The following PIGQ variants were observed in gnomAD, a reference collection of about 807,000 sequenced individuals.
PIGQ encodes the protein phosphatidylinositol N-acetylglucosaminyltransferase subunit Q.
A neutral mutation model predicts 60.3 loss-of-function variants in PIGQ; 54 were observed. The observed-to-expected ratio is 0.90, with a 90% CI of 0.72 to 1.12. The LOEUF is 1.12. PIGQ is among the 50% of genes most tolerant of loss of function. PIGQ has a pLI of 0.00. For missense variants in PIGQ, 799 were observed against 793.5 expected, an observed-to-expected ratio of 1.01 and a Z score of -0.08; for synonymous variants, 416 against 363.7, an observed-to-expected ratio of 1.14 and a Z score of -1.64.
At chr16:573,959 C>G in intron 1 of PIGQ, 107 bp from the exon 2 acceptor site, 1 of 754,688 alleles carries the variant, frequency 1.3e-6, no homozygotes, top group Non-Finnish European at 2.1e-6. Flanking sequence ...GGTGCCCCGA[C>G]CTGGGGCCCT....
At chr16:581,210 T>C in intron 9 of PIGQ, 1 of 1,430,090 alleles carries the variant, frequency 7.0e-7, no homozygotes, top group Non-Finnish European at 9.2e-7. Context: ...TTCAGAACCC[T>C]GGAGACCTGA....
In PIGQ at chr16:579,107, G is replaced by A. The variant is rs2035771863; in HGVS notation, c.1262G>A (p.Trp421Ter). The stretch of plus-strand genomic sequence containing the variant: ...AAGATCCATGGCCTGTCCTCACTGT[G>A]GCGTCTGTTCCGGGGGAAGAAGTGG... ...CLKIHGLSSL[W>*]RLFRGKKWNV... Residue 421 changes from tryptophan (W) to a stop codon, truncating the protein, a stop_gained, in exon 7 of 11, where the codon TGG becomes TAG. Coordinates refer to ENST00000321878, the MANE Select transcript of PIGQ (RefSeq NM_004204.5). LOFTEE classifies it high-confidence loss of function. The A allele has an allele frequency of 6.2e-7, 1 of 1,612,814 alleles. No individual in the cohort carries two copies.
rs751055581 is a variant in PIGQ at position 574,138 on chromosome 16, C to T, written c.64C>T (p.Arg22Trp). Reference sequence around the variant, plus strand: ...GACGGACAGCGGGCTGCTGGTGGGACGGTGGGTGCCGGAGCAGAGCAGCGC... The same window carrying T: ...GACGGACAGCGGGCTGCTGGTGGGATGGTGGGTGCCGGAGCAGAGCAGCGC... ...VSTDSGLLVG[R>W]WVPEQSSAVV... The change falls in exon 2 of 11, where the codon CGG becomes TGG. Residue 22 changes from arginine to tryptophan, a missense_variant. Transcript: ENST00000321878. 2.0e-5 allele frequency: 33 copies of T among 1,611,826 alleles called. No homozygotes were observed. The highest frequency in any genetic ancestry group is 4.0e-5 in the African/African-American group (3 of 74,932).
At chr16:575,313 G>A (rs767927547) in intron 2 of PIGQ, among the ~76,000 whole-genome samples, 4 of 152,218 alleles carry the variant, frequency 2.6e-5, no homozygotes, top group Non-Finnish European at 5.9e-5. Context: ...GAGGGGCACG[G>A]GGGTAGCCCC....
intron 4 of PIGQ, chr16:576,540 G>A (rs986909572): frequency 3.4e-5 from 19 of 562,166 alleles, no homozygotes; most frequent in East Asian, 1.7e-4. Context: ...TGGGCCCAGC[G>A]TCCTGGTATC....
chr16:572,199 C>T (rs1033965050), intron 1 of PIGQ, among the ~76,000 whole-genome samples: 4 of 152,208 alleles, frequency 2.6e-5, no homozygotes, highest in African/African-American at 4.8e-5. Flanking sequence ...CAGCCAGACA[C>T]GCTGGGCCCC....
chr16:582,039 A>G (rs1001522315), intron 9 of PIGQ: 6 of 651,346 alleles, frequency 9.2e-6, no homozygotes, highest in Non-Finnish European at 1.7e-5. Context: ...TACAGGCGTG[A>G]GCCACCGTGC....
chr16:571,289 C>CGTGTGTGTGT (rs1194102863), intron 1 of PIGQ, among the ~76,000 whole-genome samples: 3 of 3,280 alleles, frequency 9.1e-4, no homozygotes, highest in African/African-American at 1.2e-3. Context: ...GCCTGGCGCC[C>CGTGTGTGTGT]GTGTGTGTGT....
chr16:582,318 C>T lies in PIGQ; in HGVS notation c.1593+9C>T. 1 of 1,589,276 alleles carries T rather than the reference C, an allele frequency of 6.3e-7. No homozygotes were observed. On this transcript the variant is annotated intron_variant, in intron 10 of 10. Transcript: ENST00000321878. ...TCCGCCTCCTGATGCAGGTGAGGCC[C>T]CTTGTGGCCAGGACGCCCCTACGCT... is the stretch of plus-strand genomic sequence containing the variant.
chr16:570,667 C>G (rs1002123124), intron 1 of PIGQ: 11 of 152,258 alleles, frequency 7.2e-5, no homozygotes, highest in African/African-American at 2.4e-4. Context: ...GGTTTCACCC[C>G]CATCGAGGCT....
In PIGQ at chr16:574,347, G is replaced by A. The variant is rs1276361454; in HGVS notation, c.273G>A (p.Glu91=). The change falls in exon 2 of 11, where the codon GAG becomes GAA. Residue 91 remains glutamate (E), a synonymous_variant. Coordinates refer to ENST00000321878, the MANE Select transcript of PIGQ (RefSeq NM_004204.5). ...LESLGAVFPH[E]PWLRLCRERG... Reference sequence around the variant, plus strand: ...GCCTGGGTGCTGTCTTCCCCCATGAGCCCTGGCTGCGGCTGTGCCGGGAGA... The same window carrying A: ...GCCTGGGTGCTGTCTTCCCCCATGAACCCTGGCTGCGGCTGTGCCGGGAGA... The A allele has an allele frequency of 9.9e-6, 16 of 1,609,328 alleles. No individual in the cohort carries two copies. The highest frequency in any genetic ancestry group is 2.2e-5 in the East Asian group (1 of 44,822).
At chr16:581,760 C>CTT (rs59948933) in intron 9 of PIGQ, 13,543 of 82,924 alleles carry the variant, frequency 0.16, 2,369 homozygotes, top group African/African-American at 0.27. Flanking sequence ...CCGTGCCCGG[C>CTT]TTTTTTTTTT....
chr16:583,899 C>T lies in PIGQ; in HGVS notation c.*864C>T, dbSNP rs1188096685. ...ACTGAGGCCGAAAGTGCCTGCCAGA[C>T]GGCACGGTCTGGGTGCGGGTGTTCC... On this transcript the variant is annotated 3_prime_UTR_variant, in exon 11 of 11. Coordinates refer to ENST00000321878, the MANE Select transcript of PIGQ (RefSeq NM_004204.5). 2.8e-5 allele frequency: 15 copies of T among 539,316 alleles called. No individual in the cohort carries two copies. Among genetic ancestry groups the T allele is most frequent in the South Asian group, 1.2e-4 (6 of 51,744 alleles). The allele number at this position is 539,316 out of a possible 1,614,324, so 33.4% of individuals were successfully genotyped here.
At chr16:582,829 CA>C in intron 10 of PIGQ, 53 bp from the exon 11 acceptor site, 1 of 1,533,858 alleles carries the variant, frequency 6.5e-7, no homozygotes. Flanking sequence ...CCTCTCTCTG[CA>C]GACGGGGTTG....
At position 583,026 on chromosome 16, in the gene PIGQ, G is replaced by GC; in HGVS notation, c.1738dup (p.Gln580ProfsTer203). ...ACCCCTGGAGGCAGAGAGGGGACAA[G>GC]CAGGACTGAGGGAACTGCTGGCTCG... is the stretch of plus-strand genomic sequence containing the variant. On this transcript the variant is annotated frameshift_variant, in exon 11 of 11. Coordinates refer to ENST00000321878, the MANE Select transcript of PIGQ (RefSeq NM_004204.5). LOFTEE classifies it high-confidence loss of function. The GC allele has an allele frequency of 6.2e-7, 1 of 1,613,144 alleles. No homozygotes were observed. Among genetic ancestry groups the GC allele is most frequent in the Non-Finnish European group, 8.5e-7 (1 of 1,179,990 alleles).
chr16:575,738 C>T (rs781464001), intron 2 of PIGQ, 101 bp from the exon 3 acceptor site: 5 of 1,290,986 alleles, frequency 3.9e-6, no homozygotes, highest in Non-Finnish European at 5.3e-6. Flanking sequence ...TCCTGCTGAG[C>T]TCAGGAGTGT....
chr16:577,318 C>G (rs922697774), intron 4 of PIGQ: 1 of 152,150 alleles, frequency 6.6e-6, no homozygotes, highest in East Asian at 1.9e-4. Flanking sequence ...TGGCTCATGC[C>G]TGTAATCCCA....
Position 580,159 on chromosome 16 carries a change from C to T in PIGQ, c.1336-24C>T, listed in dbSNP as rs766865788. 1.1e-5 allele frequency: 17 copies of T among 1,593,548 alleles called. No homozygotes were observed. In the East Asian group the frequency reaches 1.1e-4, roughly 10 times the overall value. Reference sequence around the variant, plus strand: ...CTGGGCGCGGGGTCCTGCTGATGCCCGGTGTGCTGGCCCCTCCCTACAGCT... The same window carrying T: ...CTGGGCGCGGGGTCCTGCTGATGCCTGGTGTGCTGGCCCCTCCCTACAGCT... On this transcript the variant is annotated intron_variant, in intron 7 of 10. Coordinates refer to ENST00000321878, the MANE Select transcript of PIGQ (RefSeq NM_004204.5).
chr16:578,906 C>A lies in PIGQ; in HGVS notation c.1191C>A (p.Phe397Leu). 1 of 1,613,438 alleles carries A rather than the reference C, an allele frequency of 6.2e-7. No individual in the cohort carries two copies. Among genetic ancestry groups the A allele is most frequent in the Non-Finnish European group, 8.5e-7 (1 of 1,179,930 alleles). ...LLSDIIALLTFHIYCFYVYGA... is the reference protein window; with the variant it reads ...LLSDIIALLTLHIYCFYVYGA... ...CGGACATTATCGCCCTCCTCACCTT[C>A]CACATCTACTGCTTTTACGTCTATG... is the stretch of plus-strand genomic sequence containing the variant. The change falls in exon 6 of 11, where the codon TTC (phenylalanine) becomes TTA (leucine). Residue 397 changes from phenylalanine to leucine, a missense_variant. Transcript: ENST00000321878.
Sources: allele counts gnomAD v4.1 joint callset (sites outside exome capture counted in the v4.1 genomes callset), GRCh38; gene constraint gnomAD v4.1.1; transcripts MANE v1.5; gene names NCBI Gene and HGNC (gene_info 2026-07-23, HGNC 2026-07-21).